Variants in FHL2 observed in about 807,000 individuals in gnomAD.
FHL2 encodes four and a half LIM domains protein 2.
In FHL2, 20 loss-of-function variants were observed where a neutral mutation model predicts 32.7. The ratio of observed to expected loss-of-function variants is 0.61; its 90% CI spans 0.43 to 0.89. FHL2 has a LOEUF of 0.89. Ranked by LOEUF, FHL2 falls within the 40% of genes least tolerant of loss-of-function variation. The pLI is 0.00. For synonymous variants in FHL2, 123 were observed against 128.1 expected, an observed-to-expected ratio of 0.96 and a Z score of 0.27; for missense variants, 311 against 358.6, an observed-to-expected ratio of 0.87 and a Z score of 1.07.
intron 1 of FHL2, among the ~76,000 whole-genome samples, chr2:105,413,073 G>A (rs201928275): frequency 3.5e-4 from 54 of 152,280 alleles, no homozygotes; most frequent in African/African-American, 1.2e-3. Flanking sequence ...TGAGGACAGC[G>A]TGTGACTGGT....
chr2:105,377,400 G>A (rs1681547246), intron 3 of FHL2, among the ~76,000 whole-genome samples: 1 of 152,284 alleles, frequency 6.6e-6, no homozygotes, highest in Non-Finnish European at 1.5e-5. Flanking sequence ...GGAGGCCGAG[G>A]CAGGCGGATC....
intron 3 of FHL2, among the ~76,000 whole-genome samples, chr2:105,379,472 T>C (rs1451005235): frequency 2.0e-5 from 3 of 152,204 alleles, no homozygotes; most frequent in African/African-American, 7.2e-5. Flanking sequence ...AAAATTCTTT[T>C]TCTTAATTCT....
At chr2:105,388,397 G>C (rs1009124973) in intron 2 of FHL2, among the ~76,000 whole-genome samples, 1 of 152,124 alleles carries the variant, frequency 6.6e-6, no homozygotes, top group African/African-American at 2.4e-5. Context: ...TGATCCTGGA[G>C]AGAAAAAGCC....
intron 2 of FHL2, among the ~76,000 whole-genome samples, chr2:105,387,713 T>C (rs1161881845): frequency 6.6e-6 from 1 of 152,152 alleles, no homozygotes; most frequent in African/African-American, 2.4e-5. Context: ...CTCCAAGAGC[T>C]AAAAACAGAA....
chr2:105,380,230 G>A (rs1558696965), intron 3 of FHL2, among the ~76,000 whole-genome samples: 1 of 152,150 alleles, frequency 6.6e-6, no homozygotes, highest in Non-Finnish European at 1.5e-5. Flanking sequence ...GAGCTTAGAG[G>A]TAGACTAGAA....
chr2:105,365,674 CAA>C (rs771107312), intron 5 of FHL2, among the ~76,000 whole-genome samples: 17 of 71,562 alleles, frequency 2.4e-4, no homozygotes, highest in Non-Finnish European at 1.7e-4. Context: ...GTCTCTACTA[CAA>C]AAAAAAAAAA....
chr2:105,366,951 G>T (rs1001680256), intron 5 of FHL2, among the ~76,000 whole-genome samples: 1 of 152,146 alleles, frequency 6.6e-6, no homozygotes, highest in Non-Finnish European at 1.5e-5. Flanking sequence ...TCATCATGTT[G>T]CCCAGGCTGG....
intron 3 of FHL2, chr2:105,378,340 C>T (rs1388836400): frequency 2.9e-5 from 11 of 378,562 alleles, no homozygotes; most frequent in South Asian, 1.2e-4. Context: ...CTTCTGCAGG[C>T]GCAGCCTGTC....
chr2:105,436,995 A>G (rs1199179354), intron 1 of FHL2, among the ~76,000 whole-genome samples: 1 of 152,174 alleles, frequency 6.6e-6, no homozygotes, highest in Non-Finnish European at 1.5e-5. Flanking sequence ...GGTCATGGGA[A>G]TGCAGTGAGA....
At chr2:105,426,539 TCCCTGAGCCAGCAGTCCTGGA>T (rs1362357894) in intron 1 of FHL2, among the ~76,000 whole-genome samples, 7 of 152,086 alleles carry the variant, frequency 4.6e-5, no homozygotes, top group Non-Finnish European at 8.8e-5. Flanking sequence ...CCTCCTCCCT[TCCCTGAGCCAGCAGTCCTGGA>T]AGGCAGCCTT....
intron 2 of FHL2, among the ~76,000 whole-genome samples, chr2:105,394,531 C>G (rs1682984490): frequency 6.7e-6 from 1 of 148,648 alleles, no homozygotes; most frequent in African/African-American, 2.5e-5. Context: ...TATGATGGCA[C>G]CTGTGAAAAG....
chr2:105,422,330 T>G (rs1471011453), intron 1 of FHL2, among the ~76,000 whole-genome samples: 5 of 152,188 alleles, frequency 3.3e-5, no homozygotes, highest in African/African-American at 1.2e-4. Context: ...AAGATGCATA[T>G]GGAGGTGCAT....
intron 3 of FHL2, chr2:105,374,529 G>T (rs1681327158): frequency 6.6e-6 from 1 of 152,394 alleles, no homozygotes; most frequent in African/African-American, 2.4e-5. Context: ...TAAGGATGTG[G>T]GAGTGGAGGG....
At chr2:105,402,002 AATAT>A (rs1318159495), upstream of FHL2, among the ~76,000 whole-genome samples, 2 of 150,752 alleles carry the variant, frequency 1.3e-5, no homozygotes, top group Non-Finnish European at 1.5e-5. Flanking sequence ...TATATACACG[AATAT>A]ATACATATAT....
intron 1 of FHL2, among the ~76,000 whole-genome samples, chr2:105,425,856 A>T (rs1454338834): frequency 6.6e-6 from 1 of 152,140 alleles, no homozygotes; most frequent in Non-Finnish European, 1.5e-5. Flanking sequence ...TTTTTGCTGA[A>T]ATAATGAAAA....
chr2:105,363,843 C>A (rs1267178414), intron 5 of FHL2, among the ~76,000 whole-genome samples: 8 of 152,186 alleles, frequency 5.3e-5, no homozygotes, highest in Non-Finnish European at 8.8e-5. Context: ...TGAATCCTAA[C>A]CCTACTCCTT....
At chr2:105,412,040 C>T (rs1683808376) in intron 1 of FHL2, among the ~76,000 whole-genome samples, 1 of 152,060 alleles carries the variant, frequency 6.6e-6, no homozygotes, top group Non-Finnish European at 1.5e-5. Context: ...CCAATAAGTT[C>T]CGGTCAAGGT....
intron 1 of FHL2, among the ~76,000 whole-genome samples, chr2:105,424,763 A>T (rs1019603037): frequency 9.2e-5 from 14 of 152,206 alleles, no homozygotes; most frequent in Non-Finnish European, 1.6e-4. Flanking sequence ...CAGCAAGCTA[A>T]CACAGGAACA....
At chr2:105,407,181 A>G (rs918180910) in intron 1 of FHL2, among the ~76,000 whole-genome samples, 1 of 152,208 alleles carries the variant, frequency 6.6e-6, no homozygotes, top group African/African-American at 2.4e-5. Flanking sequence ...TCACAAGGTC[A>G]AGAGATAGAG....
Sources: gnomAD v4.1 joint callset for allele counts (sites outside exome capture counted in the v4.1 genomes callset) on GRCh38, gnomAD v4.1.1 for gene constraint, MANE v1.5 for transcripts, NCBI Gene and HGNC (gene_info 2026-07-23, HGNC 2026-07-21) for gene names.